AGBL4: variants seen among roughly 807,000 people sequenced by gnomAD.
AGBL4 encodes AGBL carboxypeptidase 4.
Under a neutral mutation model 66.4 loss-of-function variants are expected in AGBL4, and 58 were observed. The observed-to-expected ratio is 0.87, with a 90% CI of 0.71 to 1.09. The LOEUF is 1.09. Among genes scored for constraint, AGBL4 ranks in the 50% least tolerant of loss-of-function variants. AGBL4 has a pLI of 0.00. For missense variants in AGBL4, 579 were observed against 631.0 expected (o/e 0.92, Z 0.88); for synonymous variants, 234 against 222.9 (o/e 1.05, Z -0.44).
intron 1 of AGBL4, among the ~76,000 whole-genome samples, chr1:49,921,690 C>T (rs978575113): frequency 5.3e-5 from 8 of 152,090 alleles, no homozygotes; most frequent in African/African-American, 1.2e-4. Context: ...GTCCAAAAGT[C>T]GAAGAAGCTG....
chr1:49,333,299 GA>G (rs1416104656), intron 3 of AGBL4, among the ~76,000 whole-genome samples: 2 of 152,138 alleles, frequency 1.3e-5, no homozygotes, highest in African/African-American at 4.8e-5. Flanking sequence ...CAAACATGGT[GA>G]AACCCTGTCT....
rs190400055 is a variant in AGBL4 at position 49,118,941 on chromosome 1, T to G, written c.378-73141A>C. ...TTAGTCTTGGGAGGGTGTATGTGTC[T>G]AGGAATTTATCCATTTCTTCTAGAT... On this transcript the variant is annotated intron_variant, in intron 4 of 13. Transcript: ENST00000371839. Among the ~76,000 whole-genome samples, 2 of 152,192 alleles carry G rather than the reference T, an allele frequency of 1.3e-5. 1 individual carries two copies. Among genetic ancestry groups the G allele is most frequent in the East Asian group, 3.9e-4 (2 of 5,180 alleles).
At chr1:49,641,915 T>C (rs1210361235) in intron 3 of AGBL4, among the ~76,000 whole-genome samples, 7 of 152,006 alleles carry the variant, frequency 4.6e-5, no homozygotes, top group Non-Finnish European at 7.4e-5. Context: ...ACATTGCTAT[T>C]GTGATGGCAT....
intron 5 of AGBL4, among the ~76,000 whole-genome samples, chr1:48,875,930 C>T (rs1046406388): frequency 2.0e-5 from 3 of 152,106 alleles, no homozygotes; most frequent in African/African-American, 7.2e-5. Context: ...GTCGTGACAG[C>T]AGTTAGTTGT....
intron 4 of AGBL4, among the ~76,000 whole-genome samples, chr1:49,046,388 C>T (rs1485528862): frequency 6.6e-6 from 1 of 152,152 alleles, no homozygotes; most frequent in African/African-American, 2.4e-5. Context: ...AAATATTCAA[C>T]ATTTCTCTAA....
chr1:49,378,541 T>G (rs1644520746), intron 3 of AGBL4, among the ~76,000 whole-genome samples: 1 of 151,958 alleles, frequency 6.6e-6, no homozygotes, highest in Admixed American at 6.6e-5. Context: ...TTTCCATGTT[T>G]ATCAGTTTGG....
intron 9 of AGBL4, 133 bp from the exon 10 acceptor site, chr1:48,591,118 A>C: frequency 1.3e-6 from 1 of 767,702 alleles, no homozygotes; most frequent in Non-Finnish European, 1.9e-6. Context: ...ACACACATCA[A>C]GCTGACCCTG....
chr1:49,872,167 A>G (rs1315768333), intron 1 of AGBL4, among the ~76,000 whole-genome samples: 5 of 152,020 alleles, frequency 3.3e-5, no homozygotes, highest in South Asian at 2.1e-4. Context: ...AAATTTTTTT[A>G]AGCTATTTAC....
Position 48,590,826 on chromosome 1 carries a change from G to A in AGBL4, c.1104+7C>T, listed in dbSNP as rs1372630059. 7 of 1,594,108 alleles carry A rather than the reference G, an allele frequency of 4.4e-6. No individual in the cohort carries two copies. Among genetic ancestry groups the A allele is most frequent in the Non-Finnish European group, 6.0e-6 (7 of 1,169,900 alleles). On this transcript the variant is annotated splice_region_variant and intron_variant, in intron 10 of 13. Transcript: ENST00000371839. ...TGGGGCTGGCTGAGAGAGAACTCCTGGCTTACATAGGAGAAGTCCTCAGCA... is the reference window on the plus strand; with the variant it reads ...TGGGGCTGGCTGAGAGAGAACTCCTAGCTTACATAGGAGAAGTCCTCAGCA...
At chr1:49,947,801 C>T (rs1448483819) in intron 1 of AGBL4, among the ~76,000 whole-genome samples, 2 of 148,586 alleles carry the variant, frequency 1.3e-5, no homozygotes, top group African/African-American at 5.0e-5. Context: ...ACCCTAAAGA[C>T]TCATCCAAAA....
chr1:49,006,455 C>G (rs1254962449), intron 5 of AGBL4, among the ~76,000 whole-genome samples: 2 of 151,916 alleles, frequency 1.3e-5, no homozygotes, highest in African/African-American at 4.8e-5. Context: ...GGGGGAGGGG[C>G]GCCCGCCATT....
At chr1:49,960,930 G>T (rs1412017996) in intron 1 of AGBL4, among the ~76,000 whole-genome samples, 1 of 152,004 alleles carries the variant, frequency 6.6e-6, no homozygotes, top group African/African-American at 2.4e-5. Context: ...TGAGCCACGT[G>T]AATATCTGTG....
At chr1:48,863,135 C>T (rs1300017739) in intron 6 of AGBL4, among the ~76,000 whole-genome samples, 4 of 152,038 alleles carry the variant, frequency 2.6e-5, no homozygotes, top group African/African-American at 9.7e-5. Flanking sequence ...TGACAGTGTT[C>T]AATAGGTGGT....
intron 3 of AGBL4, among the ~76,000 whole-genome samples, chr1:49,627,242 T>C (rs1378619877): frequency 2.0e-5 from 3 of 152,176 alleles, no homozygotes; most frequent in African/African-American, 7.2e-5. Context: ...AGGTGTGGTA[T>C]TGTAGTACCT....
At chr1:49,620,326 CA>C (rs1190390052) in intron 3 of AGBL4, among the ~76,000 whole-genome samples, 1 of 152,052 alleles carries the variant, frequency 6.6e-6, no homozygotes, top group Non-Finnish European at 1.5e-5. Context: ...AGACATTTCT[CA>C]AAAGAAGACA....
chr1:49,853,823 C>T (rs1646364523), intron 1 of AGBL4, among the ~76,000 whole-genome samples: 1 of 151,756 alleles, frequency 6.6e-6, no homozygotes. Context: ...AAATTTTATA[C>T]CAACTGAAAA....
chr1:49,313,873 T>A lies in AGBL4; in HGVS notation c.283-68009A>T, dbSNP rs1170680368. 2.0e-5 allele frequency among the ~76,000 whole-genome samples: 3 copies of A among 152,216 alleles called. No individual in the cohort carries two copies. The East Asian group carries it at 5.8e-4, about 29-fold the overall frequency. On this transcript the variant is annotated intron_variant, in intron 3 of 13. Transcript: ENST00000371839. ...CTGGGCAGAAGCTCTTTAGTTTAAT[T>A]AGATCCCATTTGTCAATTTTGGCTT...
chr1:49,889,111 C>T (rs555636823), intron 1 of AGBL4, among the ~76,000 whole-genome samples: 8 of 152,192 alleles, frequency 5.3e-5, no homozygotes, highest in Non-Finnish European at 1.2e-4. Context: ...GAGATGAACT[C>T]ATCGGAAAGA....
At chr1:48,991,854 T>C (rs1660631178) in intron 5 of AGBL4, among the ~76,000 whole-genome samples, 1 of 152,180 alleles carries the variant, frequency 6.6e-6, no homozygotes, top group African/African-American at 2.4e-5. Flanking sequence ...TTTAATCTTT[T>C]TGTTAATCTT....
Sources: gnomAD v4.1 joint callset for allele counts (sites outside exome capture counted in the v4.1 genomes callset) on GRCh38, gnomAD v4.1.1 for gene constraint, MANE v1.5 for transcripts, NCBI Gene and HGNC (gene_info 2026-07-23, HGNC 2026-07-21) for gene names.